Variants in RASGRF2 observed in about 807,000 individuals in gnomAD.
RASGRF2 encodes the protein Ras protein specific guanine nucleotide releasing factor 2, also known as ras-specific guanine nucleotide-releasing factor 2.
Under a neutral mutation model 151.0 loss-of-function variants are expected in RASGRF2, and 76 were observed. The ratio of observed to expected loss-of-function variants is 0.50; its 90% CI spans 0.42 to 0.61. RASGRF2 has a LOEUF of 0.61. Ranked by LOEUF, RASGRF2 falls within the 20% of genes least tolerant of loss-of-function variation. The probability of loss-of-function intolerance (pLI) is 0.00; values close to 1 mark genes in which losing one functional copy is unlikely to be tolerated. For synonymous variants in RASGRF2, 504 were observed against 566.5 expected (o/e 0.89, Z 1.57); for missense variants, 1,148 against 1,564.6 (o/e 0.73, Z 4.49).
intron 17 of RASGRF2, among the ~76,000 whole-genome samples, chr5:81,156,903 A>T (rs113613641): frequency 0.015 from 2,320 of 152,304 alleles, 57 homozygotes; most frequent in African/African-American, 0.051. Flanking sequence ...GATGACATGA[A>T]GCAGTTTGTA....
intron 1 of RASGRF2, among the ~76,000 whole-genome samples, chr5:80,976,056 C>T (rs1250770450): frequency 6.6e-6 from 1 of 152,102 alleles, no homozygotes; most frequent in Non-Finnish European, 1.5e-5. Context: ...GTTGGTCAGG[C>T]TGGTCTCAAA....
chr5:81,149,351 A>G (rs1441971539), intron 17 of RASGRF2, among the ~76,000 whole-genome samples: 1 of 152,260 alleles, frequency 6.6e-6, no homozygotes, highest in Non-Finnish European at 1.5e-5. Context: ...GTTGGAGGCC[A>G]TTATTCTAAG....
chr5:81,106,556 TCTTA>T (rs1221023380), intron 12 of RASGRF2, among the ~76,000 whole-genome samples: 1 of 152,194 alleles, frequency 6.6e-6, no homozygotes, highest in Non-Finnish European at 1.5e-5. Flanking sequence ...CTGTCCTCTC[TCTTA>T]CTTTCTTCTC....
At chr5:81,045,575 T>G (rs981952380) in intron 2 of RASGRF2, among the ~76,000 whole-genome samples, 1 of 152,184 alleles carries the variant, frequency 6.6e-6, no homozygotes, top group African/African-American at 2.4e-5. Flanking sequence ...ATTCTTTTCT[T>G]TTTAGATTTG....
chr5:81,053,451 G>C (rs1317414582), intron 2 of RASGRF2, among the ~76,000 whole-genome samples: 1 of 151,926 alleles, frequency 6.6e-6, no homozygotes, highest in Non-Finnish European at 1.5e-5. Flanking sequence ...CAAAGGACAT[G>C]AACTCATCCT....
intron 1 of RASGRF2, among the ~76,000 whole-genome samples, chr5:81,037,006 T>C (rs1359077179): frequency 6.6e-6 from 1 of 152,184 alleles, no homozygotes; most frequent in Admixed American, 6.6e-5. Flanking sequence ...CTCACAATCA[T>C]GGCAGAAGAT....
At chr5:81,162,978 G>C (rs942232028) in intron 17 of RASGRF2, among the ~76,000 whole-genome samples, 1 of 152,170 alleles carries the variant, frequency 6.6e-6, no homozygotes, top group Admixed American at 6.5e-5. Context: ...CAAGGGGGCT[G>C]CTGTCTCTGT....
At chr5:81,102,565 C>A (rs1372539616) in intron 12 of RASGRF2, among the ~76,000 whole-genome samples, 4 of 152,078 alleles carry the variant, frequency 2.6e-5, no homozygotes, top group Admixed American at 2.0e-4. Flanking sequence ...CGTGGCGGCA[C>A]ATGCCTGTAG....
intron 1 of RASGRF2, among the ~76,000 whole-genome samples, chr5:81,017,212 A>G (rs185205592): frequency 6.6e-6 from 1 of 152,350 alleles, no homozygotes; most frequent in Admixed American, 6.5e-5. Context: ...CTATTACAGC[A>G]ATGACAGGAT....
In RASGRF2 at chr5:80,995,682, C is replaced by T. The variant is rs1186276096; in HGVS notation, c.288+34656C>T. Among the ~76,000 whole-genome samples, 10 of 89,340 alleles carry T rather than the reference C, an allele frequency of 1.1e-4. No homozygotes were observed. In the East Asian group the frequency reaches 2.6e-3, roughly 23 times the overall value. 58.6% of individuals were successfully genotyped at this position (89,340 alleles called of 152,430 possible). ...TACAAATCATTGTTTCTTTCCTTTC[C>T]TTCCCCCCCCCTTTTTTTTTTTTTT... is the stretch of plus-strand genomic sequence containing the variant. On this transcript the variant is annotated intron_variant, in intron 1 of 26. Coordinates refer to ENST00000265080, the MANE Select transcript of RASGRF2 (RefSeq NM_006909.3).
chr5:81,210,915 C>G (rs113618217), intron 22 of RASGRF2, among the ~76,000 whole-genome samples: 2,835 of 152,118 alleles, frequency 0.019, 85 homozygotes, highest in African/African-American at 0.064. Context: ...GGAGGCCGAG[C>G]TGGGAGGATT....
chr5:81,051,286 G>A (rs1221183782), intron 2 of RASGRF2, among the ~76,000 whole-genome samples: 1 of 151,872 alleles, frequency 6.6e-6, no homozygotes, highest in East Asian at 1.9e-4. Flanking sequence ...ATTACTTTTG[G>A]GGGGAAGTTG....
intron 1 of RASGRF2, among the ~76,000 whole-genome samples, chr5:81,032,808 A>G (rs919476382): frequency 2.3e-4 from 35 of 152,234 alleles, no homozygotes; most frequent in East Asian, 7.7e-4. Context: ...GCAATCAGGC[A>G]GGAGAAAGAA....
intron 5 of RASGRF2, among the ~76,000 whole-genome samples, chr5:81,076,088 T>A (rs999791572): frequency 1.3e-5 from 2 of 152,162 alleles, no homozygotes; most frequent in Non-Finnish European, 2.9e-5. Flanking sequence ...AACTTAGAAT[T>A]GACCATGGGT....
At chr5:81,046,552 G>A (rs142515805) in intron 2 of RASGRF2, among the ~76,000 whole-genome samples, 191 of 152,172 alleles carry the variant, frequency 1.3e-3, no homozygotes, top group Non-Finnish European at 2.1e-3. Flanking sequence ...TTCAGGGGAC[G>A]CTGCTACCGA....
chr5:81,019,661 T>A (rs1020207838), intron 1 of RASGRF2: 2 of 152,218 alleles, frequency 1.3e-5, no homozygotes, highest in Admixed American at 1.3e-4. Context: ...GCATTTTTTT[T>A]AGAAATTATT....
chr5:81,176,283 T>C (rs937479208), intron 17 of RASGRF2, among the ~76,000 whole-genome samples: 5 of 152,194 alleles, frequency 3.3e-5, no homozygotes, highest in Non-Finnish European at 7.3e-5. Flanking sequence ...GCAGTAATCA[T>C]GTGGAAGCCA....
chr5:81,010,809 C>A (rs1749434025), intron 1 of RASGRF2, among the ~76,000 whole-genome samples: 1 of 152,178 alleles, frequency 6.6e-6, no homozygotes, highest in African/African-American at 2.4e-5. Context: ...TAATCCTGCG[C>A]CTGTGGTTTT....
intron 1 of RASGRF2, among the ~76,000 whole-genome samples, chr5:81,014,125 T>G (rs1169040211): frequency 1.3e-5 from 2 of 152,184 alleles, no homozygotes; most frequent in Non-Finnish European, 2.9e-5. Flanking sequence ...TCATGGTGTA[T>G]TTTATCCTAC....
Sources: allele counts gnomAD v4.1 joint callset (sites outside exome capture counted in the v4.1 genomes callset), GRCh38; gene constraint gnomAD v4.1.1; transcripts MANE v1.5; gene names NCBI Gene and HGNC (gene_info 2026-07-23, HGNC 2026-07-21).